Variants in FGD1 observed in about 807,000 individuals in gnomAD.
FGD1 encodes the protein FYVE, RhoGEF and PH domain containing 1, also known as FYVE, RhoGEF and PH domain-containing protein 1.
In FGD1, 12 loss-of-function variants were observed where a neutral mutation model predicts 65.0. The ratio of observed to expected loss-of-function variants is 0.18; its 90% CI spans 0.12 to 0.30. The LOEUF (loss-of-function observed/expected upper bound fraction) is 0.30, where lower values mean the gene tolerates loss of function less well. Ranked by LOEUF, FGD1 falls within the 10% of genes least tolerant of loss-of-function variation. The probability of loss-of-function intolerance (pLI) is 1.00; values close to 1 mark genes in which losing one functional copy is unlikely to be tolerated. For synonymous variants in FGD1, 333 were observed against 343.9 expected (o/e 0.97, Z 0.35); for missense variants, 542 against 837.6 (o/e 0.65, Z 4.36).
At chrX:54,475,735 A>T (rs1923001839) in intron 1 of FGD1, among the ~76,000 whole-genome samples, 1 of 112,037 alleles carries the variant, frequency 8.9e-6, no homozygotes, top group African/African-American at 3.2e-5. Flanking sequence ...CCTGCACAAG[A>T]ACCTTCTGTA....
At chrX:54,490,214 A>G (rs1328461973) in intron 1 of FGD1, among the ~76,000 whole-genome samples, 1 of 111,649 alleles carries the variant, frequency 9.0e-6, no homozygotes, top group Admixed American at 9.6e-5. Context: ...GTAAGGATCG[A>G]AAAACTACCT....
At position 54,470,675 on chromosome X, in the gene FGD1, A is replaced by G; in HGVS notation, c.567T>C (p.Pro189=). The G allele has an allele frequency of 1.3e-6, 1 of 768,995 alleles. No homozygotes were observed. Among genetic ancestry groups the G allele is most frequent in the Non-Finnish European group, 1.6e-6 (1 of 607,175 alleles). The allele number at this position is 768,995 out of a possible 1,213,427, so 63.4% of individuals were successfully genotyped here. Reference sequence around the variant, plus strand: ...GGCCCTTGGCCACTCGGGGGTCGGCAGGCAGTGGGCGTGATGGTGGAGGGG... The same window carrying G: ...GGCCCTTGGCCACTCGGGGGTCGGCGGGCAGTGGGCGTGATGGTGGAGGGG... ...PIPPPPSRPL[P]ADPRVAKGLA... is the part of the protein sequence containing the mutation. The change falls in exon 3 of 18, where the codon CCT becomes CCC. Residue 189 remains proline, a synonymous_variant. Transcript: ENST00000375135.
chrX:54,446,025 G>T lies in FGD1; in HGVS notation c.*84C>A. The T allele has an allele frequency of 1.4e-6, 1 of 730,980 alleles. No homozygotes were observed. Among genetic ancestry groups the T allele is most frequent in the Non-Finnish European group, 2.0e-6 (1 of 493,344 alleles). 60.2% of individuals were successfully genotyped at this position (730,980 alleles called of 1,213,427 possible). ...TGATGGGAGTTCAAGTATTGACTGA[G>T]CTGGGAGGGAAGGGGCTAGAGCCCC... On this transcript the variant is annotated 3_prime_UTR_variant, in exon 18 of 18. Transcript: ENST00000375135.
At chrX:54,456,079 G>A in intron 10 of FGD1, 141 bp downstream of exon 10, 2 of 659,256 alleles carry the variant, frequency 3.0e-6, no homozygotes, top group Middle Eastern at 4.9e-4. Flanking sequence ...AGAATGACTA[G>A]CAGGAGGTAT....
At chrX:54,456,752 C>T (rs982042570) in intron 8 of FGD1, among the ~76,000 whole-genome samples, 185 bp from the exon 9 acceptor site, 4 of 110,343 alleles carry the variant, frequency 3.6e-5, no homozygotes, top group African/African-American at 1.3e-4. Context: ...CCTGCCTCAG[C>T]CTCCCAAGTA....
At chrX:54,466,395 C>CACTT (rs758876718) in intron 6 of FGD1, among the ~76,000 whole-genome samples, 251 of 111,822 alleles carry the variant, frequency 2.2e-3, no homozygotes, top group African/African-American at 7.5e-3. Flanking sequence ...GAGGGGGACA[C>CACTT]ACTTGACTCT....
chrX:54,470,714 T>TGGGGGGGGGGGGTGGGGCCCCCGG lies in FGD1; in HGVS notation c.527_528insCCGGGGGCCCCACCCCCCCCCCCC (p.Pro176_Leu177insArgGlyProHisProProProPro). ...ATGGTGGAGGGGGGATGGGCTCCAGTGGGGGGGGCATCCGGGGCATCTGCA... is the reference window on the plus strand; with the variant it reads ...ATGGTGGAGGGGGGATGGGCTCCAGTGGGGGGGGGGGGTGGGGCCCCCGGGGGGGGGGCATCCGGGGCATCTGCA... On this transcript the variant is annotated inframe_insertion, in exon 3 of 18. Transcript: ENST00000375135. 1 of 187,785 alleles carries TGGGGGGGGGGGGTGGGGCCCCCGG rather than the reference T, an allele frequency of 5.3e-6. No individual in the cohort carries two copies. The highest frequency in any genetic ancestry group is 8.1e-6 in the Non-Finnish European group (1 of 123,084). 15.5% of individuals were successfully genotyped at this position (187,785 alleles called of 1,213,427 possible). A position where few individuals can be genotyped will look rare whatever the true frequency, so the allele number is the denominator to read the frequency against.
intron 1 of FGD1, among the ~76,000 whole-genome samples, chrX:54,479,084 A>T (rs1440379590): frequency 8.9e-6 from 1 of 112,956 alleles, no homozygotes; most frequent in African/African-American, 3.2e-5. Context: ...ATTTATTATT[A>T]TTGAAATAGG....
chrX:54,486,373 C>T (rs1399138833), intron 1 of FGD1, among the ~76,000 whole-genome samples: 2 of 111,604 alleles, frequency 1.8e-5, no homozygotes, highest in Non-Finnish European at 3.8e-5. Context: ...CTCAGCCTCC[C>T]GAGTAGCTGG....
chrX:54,487,953 AAACC>A (rs1430504713), intron 1 of FGD1, among the ~76,000 whole-genome samples: 1 of 105,294 alleles, frequency 9.5e-6, no homozygotes, highest in African/African-American at 3.5e-5. Flanking sequence ...CCGTCTGAAA[AAACC>A]AACCAAACAA....
intron 8 of FGD1, among the ~76,000 whole-genome samples, chrX:54,464,583 G>A (rs1922719605): frequency 9.0e-6 from 1 of 111,487 alleles, no homozygotes; most frequent in Non-Finnish European, 1.9e-5. Context: ...TCAGTAAGTA[G>A]CTGTTAAACT....
At chrX:54,488,036 C>T (rs1300184977) in intron 1 of FGD1, among the ~76,000 whole-genome samples, 55 of 107,182 alleles carry the variant, frequency 5.1e-4, no homozygotes, top group Non-Finnish European at 9.6e-4. Context: ...GAGGCCGAGG[C>T]GGGCAGATCA....
rs757055106 is a variant in FGD1, at chrX:54,471,375, C to T, written c.420G>A (p.Pro140=). 82 of 1,209,828 alleles carry T rather than the reference C, an allele frequency of 6.8e-5. No homozygotes were observed. Among genetic ancestry groups the T allele is most frequent in the Admixed American group, 2.8e-4 (13 of 45,857 alleles). The change falls in exon 2 of 18, where the codon CCG becomes CCA. Residue 140 remains proline (P), a synonymous_variant. Transcript: ENST00000375135. ...AAGGACGCTGGCTAGGGGTTTCAGT[C>T]GGGGGACCTGGGTCTGAGCGAAGCC... ...PQRLRSDPGP[P]TETPSQRPSP... is the part of the protein sequence containing the mutation.
chrX:54,477,220 T>C (rs1286901136), intron 1 of FGD1, among the ~76,000 whole-genome samples: 1 of 112,071 alleles, frequency 8.9e-6, no homozygotes, highest in Non-Finnish European at 1.9e-5. Flanking sequence ...GGGTGGGGTA[T>C]GCACCCTTCC....
intron 1 of FGD1, among the ~76,000 whole-genome samples, chrX:54,480,899 G>A (rs1601958947): frequency 9.0e-6 from 1 of 111,434 alleles, no homozygotes; most frequent in Admixed American, 9.5e-5. Context: ...TGATTCACCC[G>A]CCTCGGCCTC....
intron 6 of FGD1, among the ~76,000 whole-genome samples, chrX:54,466,490 C>T (rs1162697963): frequency 1.8e-5 from 2 of 111,259 alleles, no homozygotes; most frequent in Non-Finnish European, 3.8e-5. Context: ...TTAGAGAGAC[C>T]GTTCTGGCAA....
intron 8 of FGD1, among the ~76,000 whole-genome samples, chrX:54,461,600 C>CAAAAAAAAAAAAAAAAAAAAA (rs1165040158): frequency 2.2e-4 from 4 of 18,044 alleles, no homozygotes; most frequent in Non-Finnish European, 5.5e-4. Flanking sequence ...GACTCTGTCT[C>CAAAAAAAAAAAAAAAAAAAAA]AAAAAAAAAA....
At chrX:54,466,425 A>C (rs766450964) in intron 6 of FGD1, among the ~76,000 whole-genome samples, 1 of 111,775 alleles carries the variant, frequency 8.9e-6, no homozygotes, top group African/African-American at 3.2e-5. Context: ...GAGAATCTGT[A>C]GGTATGGGGA....
chrX:54,455,204 A>C (rs1335827473), intron 12 of FGD1, among the ~76,000 whole-genome samples: 1 of 112,295 alleles, frequency 8.9e-6, no homozygotes, highest in Non-Finnish European at 1.9e-5. Flanking sequence ...GGGAGAGCTT[A>C]TTCATTTTCC....
Sources: allele counts gnomAD v4.1 joint callset (sites outside exome capture counted in the v4.1 genomes callset), GRCh38; gene constraint gnomAD v4.1.1; transcripts MANE v1.5; gene names NCBI Gene and HGNC (gene_info 2026-07-23, HGNC 2026-07-21).